MACROD2: variants seen among roughly 807,000 people sequenced by gnomAD.
The protein encoded by MACROD2 is ADP-ribose glycohydrolase MACROD2.
In MACROD2, 36 loss-of-function variants were observed where a neutral mutation model predicts 70.4. That is an observed-to-expected ratio of 0.51 (90% CI 0.39 to 0.68). The LOEUF is 0.68. MACROD2 is among the 30% of genes least tolerant of loss of function. MACROD2 has a pLI of 0.00. For missense variants in MACROD2, 496 were observed against 538.4 expected, an observed-to-expected ratio of 0.92 and a Z score of 0.78; for synonymous variants, 172 against 178.8, an observed-to-expected ratio of 0.96 and a Z score of 0.30.
At chr20:14,041,425 T>C (rs1159205876) in intron 2 of MACROD2, among the ~76,000 whole-genome samples, 1 of 152,178 alleles carries the variant, frequency 6.6e-6, no homozygotes, top group Non-Finnish European at 1.5e-5. Flanking sequence ...GAGGACATAA[T>C]TTCTATGATA....
chr20:14,403,233 A>G (rs1600205170), intron 3 of MACROD2, among the ~76,000 whole-genome samples: 1 of 152,208 alleles, frequency 6.6e-6, no homozygotes, highest in African/African-American at 2.4e-5. Flanking sequence ...GGCTCATTGT[A>G]CCCCCAAACA....
chr20:15,829,694 G>A (rs1415801060), intron 8 of MACROD2, among the ~76,000 whole-genome samples: 1 of 152,144 alleles, frequency 6.6e-6, no homozygotes, highest in East Asian at 1.9e-4. Context: ...CATATGAAGT[G>A]CCAGAGACAC....
intron 3 of MACROD2, among the ~76,000 whole-genome samples, chr20:14,441,090 A>G (rs73901255): frequency 0.034 from 5,194 of 152,256 alleles, 288 homozygotes; most frequent in African/African-American, 0.12. Context: ...ATGTCTGTAC[A>G]TCTTTTGAAT....
chr20:14,098,556 T>C (rs2054259908), intron 3 of MACROD2, among the ~76,000 whole-genome samples: 1 of 152,206 alleles, frequency 6.6e-6, no homozygotes, highest in South Asian at 2.1e-4. Flanking sequence ...AATTTTTATA[T>C]AGGTAAATAA....
At chr20:14,035,266 ATTC>A (rs1173901108) in intron 2 of MACROD2, among the ~76,000 whole-genome samples, 1 of 152,226 alleles carries the variant, frequency 6.6e-6, no homozygotes, top group Non-Finnish European at 1.5e-5. Flanking sequence ...CATAGCAGGC[ATTC>A]TTGCCTTGAC....
intron 7 of MACROD2, among the ~76,000 whole-genome samples, chr20:15,444,788 T>C (rs1014767570): frequency 6.6e-6 from 1 of 152,080 alleles, no homozygotes; most frequent in African/African-American, 2.4e-5. Flanking sequence ...TTAATAATGG[T>C]ATAATTATTG....
At chr20:15,397,109 A>T (rs1286871282) in intron 6 of MACROD2, among the ~76,000 whole-genome samples, 1 of 152,180 alleles carries the variant, frequency 6.6e-6, no homozygotes, top group Non-Finnish European at 1.5e-5. Context: ...GAAAGGCTTT[A>T]CCCGAGCAGT....
intron 4 of MACROD2, among the ~76,000 whole-genome samples, chr20:14,575,305 T>G (rs942627384): frequency 2.0e-5 from 3 of 152,186 alleles, no homozygotes; most frequent in African/African-American, 7.2e-5. Flanking sequence ...TTTACAGTTT[T>G]GCAAAACACT....
In MACROD2 at chr20:15,547,126, A is replaced by C. The variant is rs117285356; in HGVS notation, c.645+47279A>C. ...GTCTCCACCACCCAAGGTCTACTTA[A>C]AGCCCATTAGTGTGGCCTTCACTAT... On this transcript the variant is annotated intron_variant, in intron 8 of 17. Coordinates refer to ENST00000684519, the MANE Select transcript of MACROD2 (RefSeq NM_001351661.2). 2.6e-3 allele frequency among the ~76,000 whole-genome samples: 399 copies of C among 152,300 alleles called. 9 individuals carry two copies. In the East Asian group the frequency reaches 0.05, roughly 19 times the overall value.
chr20:15,111,133 T>C (rs936685381), intron 5 of MACROD2, among the ~76,000 whole-genome samples: 24 of 151,798 alleles, frequency 1.6e-4, no homozygotes, highest in African/African-American at 5.3e-4. Flanking sequence ...GTATTTCAGA[T>C]ATTTTTTACT....
intron 3 of MACROD2, among the ~76,000 whole-genome samples, chr20:14,440,808 G>A (rs145192862): frequency 1.2e-3 from 186 of 152,254 alleles, no homozygotes; most frequent in Admixed American, 2.8e-3. Context: ...GGGAGCCCGG[G>A]GCATGAGTAG....
intron 5 of MACROD2, among the ~76,000 whole-genome samples, chr20:15,189,888 G>C (rs747976978): frequency 4.0e-5 from 6 of 151,750 alleles, no homozygotes; most frequent in Non-Finnish European, 8.8e-5. Flanking sequence ...TCCTATTGAA[G>C]AAGAGGAGAT....
In MACROD2 at chr20:14,847,672, A is replaced by G. The variant is rs535112881; in HGVS notation, c.418+162713A>G. Reference sequence around the variant, plus strand: ...AAAAAAATTGTTCATTAGTTTTATCAATAGATTACATATCCAGATTTCAAT... The same window carrying G: ...AAAAAAATTGTTCATTAGTTTTATCGATAGATTACATATCCAGATTTCAAT... On this transcript the variant is annotated intron_variant, in intron 5 of 17. Coordinates refer to ENST00000684519, the MANE Select transcript of MACROD2 (RefSeq NM_001351661.2). Among the ~76,000 whole-genome samples the G allele has an allele frequency of 2.0e-5, 3 of 152,242 alleles. No individual in the cohort carries two copies. In the East Asian group the frequency reaches 5.8e-4, roughly 29 times the overall value.
chr20:15,729,216 T>A (rs1302742431), intron 8 of MACROD2, among the ~76,000 whole-genome samples: 1 of 152,218 alleles, frequency 6.6e-6, no homozygotes, highest in East Asian at 1.9e-4. Flanking sequence ...TTATTAGTAT[T>A]GATTTCTATT....
intron 8 of MACROD2, among the ~76,000 whole-genome samples, chr20:15,559,802 T>C (rs533384160): frequency 6.6e-6 from 1 of 152,318 alleles, no homozygotes; most frequent in Non-Finnish European, 1.5e-5. Flanking sequence ...AACCCAATTC[T>C]CAACAATCTA....
intron 10 of MACROD2, among the ~76,000 whole-genome samples, chr20:15,910,637 C>T (rs1004185327): frequency 9.2e-5 from 14 of 152,122 alleles, no homozygotes; most frequent in African/African-American, 2.4e-4. Context: ...CACAACAGAA[C>T]GCAGAATGGC....
chr20:14,651,091 G>A (rs141411121), intron 4 of MACROD2, among the ~76,000 whole-genome samples: 144 of 152,312 alleles, frequency 9.5e-4, no homozygotes, highest in African/African-American at 3.2e-3. Flanking sequence ...TCTAGGATCA[G>A]ATAAGTTTGG....
chr20:14,520,477 G>GTT (rs11087094), intron 4 of MACROD2, among the ~76,000 whole-genome samples: 3,113 of 149,882 alleles, frequency 0.021, 116 homozygotes, highest in African/African-American at 0.071. Flanking sequence ...ACTGTTTGAG[G>GTT]TTTTTTTTGT....
At chr20:14,609,351 C>T (rs780096511) in intron 4 of MACROD2, among the ~76,000 whole-genome samples, 2 of 151,950 alleles carry the variant, frequency 1.3e-5, no homozygotes, top group African/African-American at 2.4e-5. Flanking sequence ...GGATAGTTTC[C>T]GGTTTTGGGA....
Sources: gnomAD v4.1 joint callset for allele counts (sites outside exome capture counted in the v4.1 genomes callset) on GRCh38, gnomAD v4.1.1 for gene constraint, MANE v1.5 for transcripts, NCBI Gene and HGNC (gene_info 2026-07-23, HGNC 2026-07-21) for gene names.